The following NUP153 variants were observed in gnomAD, a reference collection of about 807,000 sequenced individuals.
The protein encoded by NUP153 is nucleoporin 153.
NUP153 carries 27 observed loss-of-function variants against 134.6 expected under a neutral mutation model. The observed-to-expected ratio is 0.20, with a 90% CI of 0.15 to 0.28. The LOEUF (loss-of-function observed/expected upper bound fraction) is 0.28, where lower values mean the gene tolerates loss of function less well. NUP153 is among the 10% of genes least tolerant of loss of function. NUP153 has a pLI of 1.00. For missense variants in NUP153, 1,821 were observed against 1,731.3 expected, an observed-to-expected ratio of 1.05 and a Z score of -0.92; for synonymous variants, 640 against 623.5, an observed-to-expected ratio of 1.03 and a Z score of -0.40.
rs1768500738 is a variant in NUP153 at position 17,680,269 on chromosome 6, C to A, written c.335-4499G>T. Among the ~76,000 whole-genome samples, 1 of 152,074 alleles carries A rather than the reference C, an allele frequency of 6.6e-6. No homozygotes were observed. Among genetic ancestry groups the A allele is most frequent in the South Asian group, 2.1e-4 (1 of 4,826 alleles). ...CTGTAATAAAGACAGGCAATACAGA[C>A]CATGGACGTGAACACAGGGCCCAGA... On this transcript the variant is annotated intron_variant, in intron 2 of 21. Coordinates refer to ENST00000262077, the MANE Select transcript of NUP153 (RefSeq NM_005124.4). The surrounding 1 kb of genome is among the most constrained non-coding windows in gnomAD (Gnocchi z 4.5).
At chr6:17,688,293 G>A (rs1769064015) in intron 2 of NUP153, 103 bp downstream of exon 2, 1 of 763,416 alleles carries the variant, frequency 1.3e-6, no homozygotes, top group Non-Finnish European at 2.2e-6. Context: ...CTTCCCATAT[G>A]GTTTATGTAC....
chr6:17,634,295 C>A (rs2113779878), intron 16 of NUP153, among the ~76,000 whole-genome samples: 1 of 152,302 alleles, frequency 6.6e-6, no homozygotes, highest in East Asian at 1.9e-4. Context: ...TCCTGCCACT[C>A]CCTGTAAGTT....
At position 17,615,694 on chromosome 6, in the gene NUP153, A is replaced by C. The variant is rs1764276057; in HGVS notation, c.*403T>G. 6.3e-6 allele frequency: 1 copy of C among 158,786 alleles called. No homozygotes were observed. Among genetic ancestry groups the C allele is most frequent in the South Asian group, 1.9e-4 (1 of 5,360 alleles). The allele number at this position is 158,786 out of a possible 1,614,324, so 9.8% of individuals were successfully genotyped here. ...ACTCTCTAATCTATACAGAATTCTAATCTATACAGAATTCCTCAGATATAA... is the reference window on the plus strand; with the variant it reads ...ACTCTCTAATCTATACAGAATTCTACTCTATACAGAATTCCTCAGATATAA... On this transcript the variant is annotated 3_prime_UTR_variant, in exon 22 of 22. Coordinates refer to ENST00000262077, the MANE Select transcript of NUP153 (RefSeq NM_005124.4). This position sits in a 1 kb window ranked among gnomAD's most constrained non-coding sequence, Gnocchi z 5.7.
At chr6:17,702,218 C>A (rs534585472) in intron 1 of NUP153, among the ~76,000 whole-genome samples, 2 of 152,262 alleles carry the variant, frequency 1.3e-5, no homozygotes, top group Admixed American at 1.3e-4. Context: ...AAAAATGACA[C>A]CATTTCTGGC....
intron 20 of NUP153, among the ~76,000 whole-genome samples, chr6:17,623,357 C>CAA (rs11326447): frequency 0.016 from 1,344 of 81,886 alleles, 29 homozygotes; most frequent in African/African-American, 0.057. Flanking sequence ...GAAAAATGGC[C>CAA]AAAAAAAAAA....
intron 1 of NUP153, among the ~76,000 whole-genome samples, chr6:17,701,832 C>CG (rs59685451): frequency 0.043 from 1,894 of 44,256 alleles, 189 homozygotes; most frequent in Non-Finnish European, 0.047. Context: ...GACTCTGTCT[C>CG]GGGGGGGGGG....
At position 17,639,951 on chromosome 6, in the gene NUP153, G is replaced by A. The variant is rs1186256685; in HGVS notation, c.1834C>T (p.Leu612=). The change falls in exon 15 of 22, where the codon CTG becomes TTG. Residue 612 remains leucine, a synonymous_variant. Coordinates refer to ENST00000262077, the MANE Select transcript of NUP153 (RefSeq NM_005124.4). ...ILKEGSVLDI[L]KSPGFASPKI... ...TTAATTATCTTACCAGGGCTTTTCA[G>A]AATATCTAGAACACTTCCTTCTTTC... 22 of 1,604,116 alleles carry A rather than the reference G, an allele frequency of 1.4e-5. No homozygotes were observed. The highest frequency in any genetic ancestry group is 1.8e-5 in the Non-Finnish European group (21 of 1,177,218).
chr6:17,624,025 AATATT>A (rs754880243), intron 20 of NUP153, among the ~76,000 whole-genome samples: 10 of 149,772 alleles, frequency 6.7e-5, no homozygotes, highest in Admixed American at 1.3e-4. Context: ...CTTTCTACAT[AATATT>A]ATATTTCACA....
At chr6:17,634,639 G>GTTGGCCA (rs1383818487) in intron 16 of NUP153, among the ~76,000 whole-genome samples, 1 of 152,174 alleles carries the variant, frequency 6.6e-6, no homozygotes, top group Non-Finnish European at 1.5e-5. Context: ...GCTTTGCCAT[G>GTTGGCCA]TTGGCCAGGC....
chr6:17,617,465 T>TAAAA (rs71002233), intron 20 of NUP153, among the ~76,000 whole-genome samples: 7 of 105,748 alleles, frequency 6.6e-5, no homozygotes, highest in East Asian at 2.8e-4. Context: ...TAGTGGGAAT[T>TAAAA]AAAAAAAAAA....
In NUP153 at chr6:17,675,331, C is replaced by G. The variant is rs774482892; in HGVS notation, c.621G>C (p.Leu207=). The G allele has an allele frequency of 6.8e-6, 11 of 1,613,662 alleles. No individual in the cohort carries two copies. The highest frequency in any genetic ancestry group is 9.3e-6 in the Non-Finnish European group (11 of 1,179,950). ...TVSKNTSLPP[L]WSPEAERSHS... ...GAGAACGTTCAGCTTCTGGGGACCACAGAGGTGGCAATGAAGTGTTCTTTG... is the reference window on the plus strand; with the variant it reads ...GAGAACGTTCAGCTTCTGGGGACCAGAGAGGTGGCAATGAAGTGTTCTTTG... The change falls in exon 4 of 22, where the codon CTG becomes CTC. Residue 207 remains leucine, a synonymous_variant. Coordinates refer to ENST00000262077, the MANE Select transcript of NUP153 (RefSeq NM_005124.4). This position sits in a 1 kb window ranked among gnomAD's most constrained non-coding sequence, Gnocchi z 4.4.
intron 17 of NUP153, 71 bp from the exon 18 acceptor site, chr6:17,629,610 T>C: frequency 1.4e-6 from 2 of 1,399,076 alleles, no homozygotes; most frequent in Non-Finnish European, 1.9e-6. Flanking sequence ...GTAAACACTG[T>C]GAAAGCCAAA....
Position 17,616,174 on chromosome 6 carries a change from C to T in NUP153, c.4351G>A (p.Gly1451Arg), listed in dbSNP as rs144981009. Reference sequence around the variant, plus strand: ...CCAGAAGAAGAGAACACATTTTTCCCATTTGACCTGTGAAAAATAAAAACT... The same window carrying T: ...CCAGAAGAAGAGAACACATTTTTCCTATTTGACCTGTGAAAAATAAAAACT... Reference protein sequence around the residue: ...SPAAFTVGSNGKNVFSSSGTS... With the variant: ...SPAAFTVGSNRKNVFSSSGTS... Residue 1451 changes from glycine to arginine, a missense_variant, in exon 22 of 22, where the codon GGG (glycine) becomes AGG (arginine). By Grantham distance (125) the Gly-to-Arg change is moderately radical. Transcript: ENST00000262077. 3.2e-6 allele frequency: 5 copies of T among 1,576,362 alleles called. No individual in the cohort carries two copies. Among genetic ancestry groups the T allele is most frequent in the Non-Finnish European group, 4.3e-6 (5 of 1,158,612 alleles).
At chr6:17,641,023 G>C (rs937726774) in intron 14 of NUP153, among the ~76,000 whole-genome samples, 2 of 152,232 alleles carry the variant, frequency 1.3e-5, no homozygotes, top group South Asian at 2.1e-4. Flanking sequence ...GCAGTAAGAT[G>C]AGTGACTTAC....
chr6:17,665,226 T>C lies in NUP153; in HGVS notation c.1215+13A>G, dbSNP rs182011739. 2,053 of 1,578,964 alleles carry C rather than the reference T, an allele frequency of 1.3e-3. 6 individuals are homozygous for C. Among genetic ancestry groups the C allele is most frequent in the Non-Finnish European group, 1.6e-3 (1,817 of 1,149,520 alleles). ...CAATATTCAAAGACTGGTAGAAATA[T>C]ACATATACTCACACTGCACTTGTTA... On this transcript the variant is annotated intron_variant, in intron 9 of 21. Transcript: ENST00000262077.
chr6:17,646,569 T>G (rs893789918), intron 13 of NUP153, among the ~76,000 whole-genome samples: 5 of 152,168 alleles, frequency 3.3e-5, no homozygotes, highest in Non-Finnish European at 5.9e-5. Flanking sequence ...AAGATATAGT[T>G]TATAATATTT....
chr6:17,641,851 G>GA (rs200309216), intron 14 of NUP153, among the ~76,000 whole-genome samples: 17,896 of 150,162 alleles, frequency 0.12, 1,290 homozygotes, highest in East Asian at 0.28. Flanking sequence ...GACTGTCTCA[G>GA]AAAAAAAGAA....
At chr6:17,695,688 T>C (rs1477279536) in intron 1 of NUP153, among the ~76,000 whole-genome samples, 1 of 152,086 alleles carries the variant, frequency 6.6e-6, no homozygotes, top group Non-Finnish European at 1.5e-5. Flanking sequence ...AAAAGAAATA[T>C]GCACAGTATT....
At chr6:17,657,324 C>T (rs1278415194) in intron 11 of NUP153, among the ~76,000 whole-genome samples, 1 of 151,200 alleles carries the variant, frequency 6.6e-6, no homozygotes, top group African/African-American at 2.4e-5. Flanking sequence ...GTGGGGATCA[C>T]TTAAGGCCAG....
Sources: allele counts gnomAD v4.1 joint callset (sites outside exome capture counted in the v4.1 genomes callset), GRCh38; gene constraint gnomAD v4.1.1; non-coding constraint Gnocchi (gnomAD v3.1); transcripts MANE v1.5; gene names NCBI Gene and HGNC (gene_info 2026-07-23, HGNC 2026-07-21).